ERC1: variants seen among roughly 807,000 people sequenced by gnomAD.
ERC1 encodes RAB6 interacting protein 2.
Under a neutral mutation model 132.0 loss-of-function variants are expected in ERC1, and 56 were observed. The ratio of observed to expected loss-of-function variants is 0.42; its 90% confidence interval spans 0.34 to 0.53. The LOEUF (loss-of-function observed/expected upper bound fraction) is 0.53. ERC1 is among the 20% of genes least tolerant of loss of function. ERC1 has a pLI of 0.03. For missense variants in ERC1, 1,202 were observed against 1,349.9 expected (o/e 0.89, Z 1.72); for synonymous variants, 478 against 476.1 (o/e 1.00, Z -0.05).
At chr12:1,310,323 C>A (rs563837677) in intron 15 of ERC1, among the ~76,000 whole-genome samples, 4 of 152,194 alleles carry the variant, frequency 2.6e-5, no homozygotes, top group African/African-American at 7.2e-5. Context: ...GCCTCTTCCT[C>A]AGCCTCCCAA....
intron 18 of ERC1, among the ~76,000 whole-genome samples, chr12:1,461,648 CAA>C (rs1358372591): frequency 2.6e-5 from 4 of 152,030 alleles, no homozygotes; most frequent in Admixed American, 6.6e-5. Context: ...GCCTGGGAGA[CAA>C]GAGCGAAACT....
intron 15 of ERC1, among the ~76,000 whole-genome samples, chr12:1,350,570 C>T (rs1300328434): frequency 1.3e-5 from 2 of 152,154 alleles, no homozygotes; most frequent in Non-Finnish European, 2.9e-5. Context: ...GGGAAACTGC[C>T]ATAAATCCGT....
At chr12:1,017,078 C>T (rs1443152883) in intron 1 of ERC1, among the ~76,000 whole-genome samples, 4 of 152,148 alleles carry the variant, frequency 2.6e-5, no homozygotes, top group African/African-American at 9.7e-5. Context: ...CTCACTGCAG[C>T]CTCCACATCC....
intron 18 of ERC1, among the ~76,000 whole-genome samples, chr12:1,464,913 GAAATATTTTATAA>G (rs545039692): frequency 3.3e-5 from 5 of 152,026 alleles, no homozygotes; most frequent in Admixed American, 6.5e-5. Context: ...AATATTATAT[GAAATATTTTATAA>G]AAATATTTTA....
intron 13 of ERC1, among the ~76,000 whole-genome samples, chr12:1,259,891 A>G (rs1257191329): frequency 6.6e-6 from 1 of 152,172 alleles, no homozygotes; most frequent in Non-Finnish European, 1.5e-5. Context: ...TTGCTACTAT[A>G]AAAACACATC....
intron 15 of ERC1, among the ~76,000 whole-genome samples, chr12:1,331,209 G>A (rs2082836161): frequency 6.6e-6 from 1 of 152,140 alleles, no homozygotes; most frequent in Non-Finnish European, 1.5e-5. Flanking sequence ...ACTTCTGAAT[G>A]CATATTTTAA....
intron 16 of ERC1, among the ~76,000 whole-genome samples, chr12:1,389,526 T>C (rs2089753229): frequency 6.6e-6 from 1 of 152,262 alleles, no homozygotes; most frequent in South Asian, 2.1e-4. Context: ...GAATTGGCTC[T>C]ACTGGATATG....
At chr12:1,362,163 T>G (rs2086188278) in intron 15 of ERC1, among the ~76,000 whole-genome samples, 1 of 152,222 alleles carries the variant, frequency 6.6e-6, no homozygotes, top group African/African-American at 2.4e-5. Flanking sequence ...AAATGATATT[T>G]AACACTAAGT....
intron 17 of ERC1, among the ~76,000 whole-genome samples, chr12:1,437,377 A>G (rs2092978243): frequency 1.3e-5 from 2 of 152,180 alleles, no homozygotes. Flanking sequence ...CTGGTGGTGA[A>G]TGACCTGGTT....
intron 14 of ERC1, among the ~76,000 whole-genome samples, chr12:1,263,441 T>A (rs2154324961): frequency 6.6e-6 from 1 of 152,326 alleles, no homozygotes; most frequent in Non-Finnish European, 1.5e-5. Flanking sequence ...AGTGCCCTGT[T>A]CCTAGATAAA....
intron 17 of ERC1, among the ~76,000 whole-genome samples, chr12:1,421,351 A>C (rs899281786): frequency 6.6e-6 from 1 of 152,160 alleles, no homozygotes; most frequent in Non-Finnish European, 1.5e-5. Context: ...AGGACGAGAG[A>C]TATTTCTCAA....
At chr12:1,037,067 CT>C (rs1280582894) in intron 2 of ERC1, among the ~76,000 whole-genome samples, 3 of 152,128 alleles carry the variant, frequency 2.0e-5, no homozygotes, top group Non-Finnish European at 4.4e-5. Context: ...GGGAAATTTG[CT>C]TCTTTTACAG....
chr12:1,440,380 G>C (rs1162118423), intron 17 of ERC1, among the ~76,000 whole-genome samples: 1 of 149,024 alleles, frequency 6.7e-6, no homozygotes, highest in African/African-American at 2.5e-5. Flanking sequence ...AATTTTTTTT[G>C]TATTTTTAGT....
chr12:1,114,398 C>G (rs369448776), intron 6 of ERC1, among the ~76,000 whole-genome samples: 3 of 152,256 alleles, frequency 2.0e-5, no homozygotes, highest in East Asian at 3.9e-4. Flanking sequence ...TTGAAGCTTA[C>G]TTAATAATGC....
intron 17 of ERC1, among the ~76,000 whole-genome samples, chr12:1,410,121 AT>A (rs761194226): frequency 5.4e-4 from 82 of 152,120 alleles, no homozygotes; most frequent in Non-Finnish European, 9.7e-4. Context: ...ATGCATTGTT[AT>A]TTTTTATTGA....
chr12:1,444,764 T>G lies in ERC1; in HGVS notation c.3213+14T>G, dbSNP rs1441970644. The stretch of plus-strand genomic sequence containing the variant: ...ACCCGGGGGCAGGTGAGCCTCTCAC[T>G]CAAACTTTGAAAAGAGCCTGTGAAA... On this transcript the variant is annotated intron_variant, in intron 18 of 18. Coordinates refer to ENST00000360905, the MANE Select transcript of ERC1 (RefSeq NM_178040.4). 6.2e-7 allele frequency: 1 copy of G among 1,610,968 alleles called. No homozygotes were observed. Among genetic ancestry groups the G allele is most frequent in the East Asian group, 2.2e-5 (1 of 44,860 alleles).
At chr12:1,304,418 G>T (rs1051679637) in intron 15 of ERC1, among the ~76,000 whole-genome samples, 1 of 152,194 alleles carries the variant, frequency 6.6e-6, no homozygotes, top group Non-Finnish European at 1.5e-5. Context: ...AGAGTCCCGT[G>T]CCAAGTCATT....
intron 17 of ERC1, among the ~76,000 whole-genome samples, chr12:1,411,267 A>C (rs2091830032): frequency 6.6e-6 from 1 of 152,156 alleles, no homozygotes; most frequent in African/African-American, 2.4e-5. Context: ...AAAAAGTAAT[A>C]ATTATGATTA....
chr12:1,437,321 C>T (rs1295656319), intron 17 of ERC1, among the ~76,000 whole-genome samples: 2 of 152,292 alleles, frequency 1.3e-5, no homozygotes, highest in Non-Finnish European at 1.5e-5. Flanking sequence ...CACTTTTCAC[C>T]CCATTTCTAT....
Sources: gnomAD v4.1 joint callset for allele counts (sites outside exome capture counted in the v4.1 genomes callset) on GRCh38, gnomAD v4.1.1 for gene constraint, MANE v1.5 for transcripts, NCBI Gene and HGNC (gene_info 2026-07-23, HGNC 2026-07-21) for gene names.